The following PDK3 variants were observed in gnomAD, a reference collection of about 807,000 sequenced individuals.
PDK3 encodes pyruvate dehydrogenase kinase 3.
A neutral mutation model predicts 32.0 loss-of-function variants in PDK3; 12 were observed. The observed-to-expected ratio is 0.37, with a 90% CI of 0.24 to 0.61. PDK3 has a LOEUF of 0.61. Ranked by LOEUF, PDK3 falls within the 20% of genes least tolerant of loss-of-function variation. PDK3 has a pLI of 0.65. For missense variants in PDK3, 188 were observed against 316.9 expected, an observed-to-expected ratio of 0.59 and a Z score of 3.09; for synonymous variants, 122 against 116.3, an observed-to-expected ratio of 1.05 and a Z score of -0.31.
chrX:24,470,515 C>T (rs1381398645), intron 1 of PDK3, among the ~76,000 whole-genome samples: 1 of 109,617 alleles, frequency 9.1e-6, no homozygotes, highest in African/African-American at 3.3e-5. Context: ...GGTGAAACCT[C>T]GTCTCTACTA....
chrX:24,471,232 CTTGT>C (rs1460373594), intron 1 of PDK3, among the ~76,000 whole-genome samples: 1 of 112,124 alleles, frequency 8.9e-6, no homozygotes, highest in African/African-American at 3.2e-5. Context: ...TCTTCTTTGT[CTTGT>C]TTATTTCAAT....
At chrX:24,516,046 A>G (rs753628465) in intron 5 of PDK3, among the ~76,000 whole-genome samples, 3 of 111,763 alleles carry the variant, frequency 2.7e-5, no homozygotes, top group Non-Finnish European at 5.6e-5. Context: ...TTTGGTAGCA[A>G]TATGAAGTCA....
intron 1 of PDK3, among the ~76,000 whole-genome samples, chrX:24,483,582 T>C (rs1921316649): frequency 8.9e-6 from 1 of 112,503 alleles, no homozygotes; most frequent in African/African-American, 3.2e-5. Context: ...ATATATAGAA[T>C]GAAGTTGGCC....
intron 1 of PDK3, among the ~76,000 whole-genome samples, chrX:24,486,510 C>T (rs1297213656): frequency 8.9e-6 from 1 of 111,817 alleles, no homozygotes; most frequent in Non-Finnish European, 1.9e-5. Flanking sequence ...ATAATATGGA[C>T]TTTGGACTGA....
At chrX:24,488,681 A>G (rs1187138997) in intron 1 of PDK3, among the ~76,000 whole-genome samples, 5 of 112,171 alleles carry the variant, frequency 4.5e-5, no homozygotes, top group Admixed American at 1.9e-4. Flanking sequence ...TGGGCAACAG[A>G]GAGAGACTCT....
At chrX:24,474,138 G>A (rs1459509672) in intron 1 of PDK3, among the ~76,000 whole-genome samples, 1 of 110,915 alleles carries the variant, frequency 9.0e-6, no homozygotes, top group Non-Finnish European at 1.9e-5. Context: ...AGTTACTTTT[G>A]CACAGCCACA....
At chrX:24,475,580 G>T (rs1008397242) in intron 1 of PDK3, among the ~76,000 whole-genome samples, 21 of 110,355 alleles carry the variant, frequency 1.9e-4, no homozygotes, top group African/African-American at 6.0e-4. Flanking sequence ...GATCGCTTGA[G>T]CCTGGGAAGT....
At chrX:24,533,082 A>G (rs1176615100) in intron 10 of PDK3, among the ~76,000 whole-genome samples, 1 of 108,521 alleles carries the variant, frequency 9.2e-6, no homozygotes, top group Non-Finnish European at 1.9e-5. Flanking sequence ...AATCAGAACT[A>G]CTTCTGGTCC....
intron 4 of PDK3, among the ~76,000 whole-genome samples, chrX:24,503,802 C>T (rs1921919713): frequency 8.9e-6 from 1 of 112,513 alleles, no homozygotes; most frequent in Non-Finnish European, 1.9e-5. Context: ...CCTTTAATGG[C>T]AGCCGGCCTT....
intron 9 of PDK3, among the ~76,000 whole-genome samples, chrX:24,530,761 G>C (rs1437368730): frequency 9.0e-6 from 1 of 111,575 alleles, no homozygotes. Context: ...TTGACAGTCA[G>C]GATTCCTTGA....
chrX:24,546,115 G>C (rs1922991232), exon 12 of PDK3: 1 of 111,906 alleles, frequency 8.9e-6, no homozygotes, highest in African/African-American at 3.2e-5. Flanking sequence ...AGGGGACCCT[G>C]TCGAGGTCCC....
At chrX:24,526,164 C>T in intron 6 of PDK3, 34 bp from the exon 7 acceptor site, 1 of 1,057,010 alleles carries the variant, frequency 9.5e-7, no homozygotes, top group Non-Finnish European at 1.3e-6. Context: ...TACTTTGGGT[C>T]CTTATTGATT....
intron 3 of PDK3, chrX:24,499,124 T>C (rs912236919): frequency 1.0e-4 from 26 of 257,489 alleles, no homozygotes; most frequent in African/African-American, 7.5e-4. Context: ...TTTTATGATC[T>C]AATACTTAAT....
At chrX:24,530,709 T>C (rs889273309) in intron 9 of PDK3, among the ~76,000 whole-genome samples, 2 of 111,651 alleles carry the variant, frequency 1.8e-5, no homozygotes, top group African/African-American at 3.3e-5. Context: ...GTATTACATT[T>C]AGTTTTGATT....
chrX:24,482,794 C>G (rs958385419), intron 1 of PDK3, among the ~76,000 whole-genome samples: 5 of 112,405 alleles, frequency 4.4e-5, no homozygotes, highest in Non-Finnish European at 7.5e-5. Context: ...GACTTGTACT[C>G]CAGTCTTAAT....
chrX:24,477,168 C>T (rs774062704), intron 1 of PDK3, among the ~76,000 whole-genome samples: 1 of 111,898 alleles, frequency 8.9e-6, no homozygotes, highest in East Asian at 2.8e-4. Flanking sequence ...TTTAATTTAT[C>T]CAGGGCTGTC....
At chrX:24,510,103 C>G (rs1922080835) in intron 5 of PDK3, among the ~76,000 whole-genome samples, 1 of 111,772 alleles carries the variant, frequency 8.9e-6, no homozygotes, top group African/African-American at 3.2e-5. Flanking sequence ...AATTTATACC[C>G]AGGTTGCTTC....
At chrX:24,549,474 G>A (rs759021386) in exon 12 of PDK3, 1 of 112,012 alleles carries the variant, frequency 8.9e-6, no homozygotes, top group South Asian at 3.7e-4. Flanking sequence ...AATTCAAATT[G>A]AGTTTATTCA....
At chrX:24,487,749 AC>A (rs1480323317) in intron 1 of PDK3, among the ~76,000 whole-genome samples, 3 of 108,306 alleles carry the variant, frequency 2.8e-5, no homozygotes, top group Admixed American at 2.0e-4. Context: ...CTCCCAAACC[AC>A]CCCCCAACCC....
Sources: allele counts gnomAD v4.1 joint callset (sites outside exome capture counted in the v4.1 genomes callset), GRCh38; gene constraint gnomAD v4.1.1; transcripts MANE v1.5; gene names NCBI Gene and HGNC (gene_info 2026-07-23, HGNC 2026-07-21).